HCRTR2: variants seen among roughly 807,000 people sequenced by gnomAD.
HCRTR2 encodes the protein orexin receptor type 2.
Under a neutral mutation model 49.0 loss-of-function variants are expected in HCRTR2, and 22 were observed. The ratio of observed to expected loss-of-function variants is 0.45; its 90% confidence interval spans 0.32 to 0.64. The LOEUF (loss-of-function observed/expected upper bound fraction) is 0.64, where lower values mean the gene tolerates loss of function less well. HCRTR2 is among the 30% of genes least tolerant of loss of function. The pLI, the probability that HCRTR2 is intolerant of heterozygous loss-of-function variation, is 0.04. For missense variants in HCRTR2, 491 were observed against 559.4 expected, an observed-to-expected ratio of 0.88 and a Z score of 1.23; for synonymous variants, 236 against 205.3, an observed-to-expected ratio of 1.15 and a Z score of -1.28.
intron 1 of HCRTR2, among the ~76,000 whole-genome samples, chr6:55,122,961 C>T (rs9464192): frequency 0.6 from 72,792 of 122,260 alleles, 21,375 homozygotes; most frequent in African/African-American, 0.65. Flanking sequence ...ACACTGGGGC[C>T]TGTTGTGGGG....
At chr6:55,108,982 T>C (rs889314054) in intron 1 of HCRTR2, among the ~76,000 whole-genome samples, 2 of 152,024 alleles carry the variant, frequency 1.3e-5, no homozygotes, top group Non-Finnish European at 2.9e-5. Flanking sequence ...TGAGGGAGCA[T>C]GGCAGTCCAC....
chr6:55,199,034 T>C (rs1399408811), intron 1 of HCRTR2, among the ~76,000 whole-genome samples: 2 of 152,204 alleles, frequency 1.3e-5, no homozygotes, highest in Non-Finnish European at 2.9e-5. Flanking sequence ...CTAGTTAGTT[T>C]TGCTCATGTA....
intron 1 of HCRTR2, among the ~76,000 whole-genome samples, chr6:55,193,890 T>C (rs1360976796): frequency 6.6e-6 from 1 of 152,114 alleles, no homozygotes; most frequent in Non-Finnish European, 1.5e-5. Context: ...TCCCTGATGA[T>C]TGGTTCTGAG....
chr6:55,109,264 A>G (rs1764017223), intron 1 of HCRTR2, among the ~76,000 whole-genome samples: 1 of 152,146 alleles, frequency 6.6e-6, no homozygotes, highest in African/African-American at 2.4e-5. Flanking sequence ...AATCTACCCA[A>G]ATGAGAAGGA....
At chr6:55,160,130 G>C (rs1764786049) in intron 1 of HCRTR2, among the ~76,000 whole-genome samples, 1 of 152,214 alleles carries the variant, frequency 6.6e-6, no homozygotes, top group Non-Finnish European at 1.5e-5. Flanking sequence ...CAGACTAACA[G>C]TGGATCTCCC....
At chr6:55,202,957 G>A (rs1765536899) in intron 1 of HCRTR2, among the ~76,000 whole-genome samples, 1 of 152,062 alleles carries the variant, frequency 6.6e-6, no homozygotes, top group Admixed American at 6.6e-5. Flanking sequence ...GTAATATTTG[G>A]TTCCACATCA....
intron 1 of HCRTR2, among the ~76,000 whole-genome samples, chr6:55,217,112 G>C (rs116208654): frequency 0.012 from 1,825 of 152,272 alleles, 31 homozygotes; most frequent in African/African-American, 0.042. Context: ...GAGGAGTCCT[G>C]AGCAGCCCTG....
At chr6:55,136,388 C>G (rs974226209) in intron 1 of HCRTR2, among the ~76,000 whole-genome samples, 4 of 152,152 alleles carry the variant, frequency 2.6e-5, no homozygotes, top group Admixed American at 2.6e-4. Context: ...CACATACACA[C>G]TCTAACTTTG....
chr6:55,196,929 T>C (rs1473327595), intron 1 of HCRTR2, among the ~76,000 whole-genome samples: 2 of 152,080 alleles, frequency 1.3e-5, no homozygotes, highest in African/African-American at 4.8e-5. Flanking sequence ...GCTCCCTCAG[T>C]AACCTCAAAT....
At chr6:55,179,563 T>C (rs752399990) in intron 1 of HCRTR2, among the ~76,000 whole-genome samples, 1 of 152,164 alleles carries the variant, frequency 6.6e-6, no homozygotes, top group Non-Finnish European at 1.5e-5. Flanking sequence ...ACATTTATCA[T>C]GGACAGACAA....
At chr6:55,240,636 C>T (rs1293880094) in intron 1 of HCRTR2, 1 of 198,296 alleles carries the variant, frequency 5.0e-6, no homozygotes, top group Admixed American at 5.6e-5. Flanking sequence ...GGGCCAATGC[C>T]GTAACAGTGT....
chr6:55,149,640 T>A (rs1764638181), intron 1 of HCRTR2, among the ~76,000 whole-genome samples: 1 of 152,078 alleles, frequency 6.6e-6, no homozygotes, highest in Non-Finnish European at 1.5e-5. Context: ...CCAGCATTTA[T>A]ATCTTGATAT....
At chr6:55,236,810 C>A (rs549446546) in intron 1 of HCRTR2, among the ~76,000 whole-genome samples, 2 of 152,128 alleles carry the variant, frequency 1.3e-5, no homozygotes, top group African/African-American at 4.8e-5. Context: ...AAATTTATAG[C>A]ACTTCTTATA....
At chr6:55,251,322 T>A (rs1338528870) in intron 2 of HCRTR2, among the ~76,000 whole-genome samples, 1 of 152,162 alleles carries the variant, frequency 6.6e-6, no homozygotes, top group African/African-American at 2.4e-5. Flanking sequence ...TGTAACGCAT[T>A]GGCAAATGCA....
chr6:55,230,942 A>G (rs959035904), intron 1 of HCRTR2, among the ~76,000 whole-genome samples: 30 of 152,012 alleles, frequency 2.0e-4, no homozygotes, highest in African/African-American at 6.8e-4. Context: ...GCGAGGAGGC[A>G]GTAAGAAGTA....
At chr6:55,162,302 A>G (rs1295428387) in intron 1 of HCRTR2, among the ~76,000 whole-genome samples, 1 of 152,230 alleles carries the variant, frequency 6.6e-6, no homozygotes, top group African/African-American at 2.4e-5. Context: ...TCATGCTAAA[A>G]ACTCTCAATA....
At chr6:55,161,383 A>G (rs967865885) in intron 1 of HCRTR2, among the ~76,000 whole-genome samples, 1 of 152,220 alleles carries the variant, frequency 6.6e-6, no homozygotes, top group Non-Finnish European at 1.5e-5. Flanking sequence ...AGAAAGTGGG[A>G]AAGATCTAAA....
chr6:55,282,234 G>A lies in HCRTR2; in HGVS notation c.1115G>A (p.Arg372Gln), dbSNP rs202073082. Residue 372 changes from arginine (R) to glutamine (Q), a missense_variant, in exon 7 of 7, where the codon CGA (arginine) becomes CAA (glutamine). By Grantham distance (43) the Arg-to-Gln change is conservative (BLOSUM62 1). Coordinates refer to ENST00000370862, the MANE Select transcript of HCRTR2 (RefSeq NM_001384272.1). ...IIYNFLSGKF[R>Q]EEFKAAFSCC... ...TCTCTCTGTTTGCCAGGAAAATTTC[G>A]AGAGGAATTTAAAGCTGCGTTTTCT... 7.4e-6 allele frequency: 12 copies of A among 1,612,506 alleles called. No individual in the cohort carries two copies. Among genetic ancestry groups the A allele is most frequent in the African/African-American group, 6.7e-5 (5 of 74,822 alleles).
intron 4 of HCRTR2, among the ~76,000 whole-genome samples, chr6:55,267,662 G>T (rs1766887930): frequency 6.6e-6 from 1 of 152,098 alleles, no homozygotes; most frequent in Non-Finnish European, 1.5e-5. Flanking sequence ...GACTGTAATA[G>T]ATATTTGGGT....
Sources: allele counts gnomAD v4.1 joint callset (sites outside exome capture counted in the v4.1 genomes callset), GRCh38; gene constraint gnomAD v4.1.1; transcripts MANE v1.5; gene names NCBI Gene and HGNC (gene_info 2026-07-23, HGNC 2026-07-21).